The following CDC40 variants were observed in gnomAD, a reference collection of about 807,000 sequenced individuals.
CDC40 encodes pre-mRNA-processing factor 17.
In CDC40, 27 loss-of-function variants were observed where a neutral mutation model predicts 80.6. The observed-to-expected ratio is 0.33, with a 90% CI of 0.25 to 0.46. The LOEUF is 0.46. Ranked by LOEUF, CDC40 falls within the 20% of genes least tolerant of loss-of-function variation. CDC40 has a pLI of 1.00. For missense variants in CDC40, 486 were observed against 694.1 expected (o/e 0.70, Z 3.37); for synonymous variants, 221 against 232.6 (o/e 0.95, Z 0.45).
intron 9 of CDC40, among the ~76,000 whole-genome samples, chr6:110,216,939 T>A (rs1777708713): frequency 6.6e-6 from 1 of 152,110 alleles, no homozygotes; most frequent in Non-Finnish European, 1.5e-5. Context: ...AAACCCTGTC[T>A]CTACAGAAAA....
intron 12 of CDC40, among the ~76,000 whole-genome samples, chr6:110,223,188 G>A (rs138627143): frequency 1.2e-4 from 18 of 152,188 alleles, no homozygotes; most frequent in African/African-American, 3.9e-4. Context: ...GGGCTCAAGC[G>A]ATCGTCCTGC....
At chr6:110,222,783 A>G (rs143659959) in intron 12 of CDC40, among the ~76,000 whole-genome samples, 31 of 152,282 alleles carry the variant, frequency 2.0e-4, no homozygotes, top group African/African-American at 6.0e-4. Flanking sequence ...AGTCATGCTT[A>G]CTGTCTGTTC....
At chr6:110,196,544 G>A (rs79787219) in intron 2 of CDC40, among the ~76,000 whole-genome samples, 4,991 of 152,106 alleles carry the variant, frequency 0.033, 146 homozygotes, top group South Asian at 0.12. Flanking sequence ...AAGAATTCCA[G>A]ACTCTTTAAA....
At chr6:110,221,704 T>C (rs905253681) in intron 12 of CDC40, among the ~76,000 whole-genome samples, 4 of 152,218 alleles carry the variant, frequency 2.6e-5, no homozygotes, top group Non-Finnish European at 4.4e-5. Flanking sequence ...TACCTTCAGA[T>C]ATTTTCAATT....
chr6:110,202,683 TTTTGTTTG>T (rs142809638), intron 3 of CDC40, among the ~76,000 whole-genome samples: 3 of 152,100 alleles, frequency 2.0e-5, no homozygotes, highest in African/African-American at 7.2e-5. Flanking sequence ...GGTTGTGTTT[TTTTGTTTG>T]TTTGTTTGTT....
chr6:110,213,075 C>A lies in CDC40; in HGVS notation c.868-11C>A. The A allele has an allele frequency of 6.3e-7, 1 of 1,575,336 alleles. No individual in the cohort carries two copies. The highest frequency in any genetic ancestry group is 8.7e-7 in the Non-Finnish European group (1 of 1,144,632). On this transcript the variant is annotated splice_polypyrimidine_tract_variant and intron_variant, in intron 7 of 14. Transcript: ENST00000307731. ...ATGCTTCTGGTTGATAACTGTAATA[C>A]CTTTTTATAGGGCGTCAGTGCAGTC...
intron 12 of CDC40, among the ~76,000 whole-genome samples, chr6:110,223,313 G>A (rs1292906602): frequency 6.6e-6 from 1 of 152,100 alleles, no homozygotes; most frequent in Non-Finnish European, 1.5e-5. Flanking sequence ...ACAAACTCCT[G>A]GCCTCACAAA....
chr6:110,193,207 T>C lies in CDC40; in HGVS notation c.215T>C (p.Leu72Pro). The change falls in exon 2 of 15, where the codon CTT (leucine) becomes CCT (proline). Residue 72 changes from leucine to proline, a missense_variant. Around this residue, in one of 3 missense-constraint regions of CDC40, gnomAD observed 381 missense variants for 492.1 expected, o/e 0.77. Transcript: ENST00000307731. ...GAAGATTTGGAGACTGGAGTTCACC[T>C]TGACCCTGCCGTCAAAGAAGTTCAG... The part of the protein sequence containing the change: ...VKEDLETGVH[L>P]DPAVKEVQYN... The C allele has an allele frequency of 1.2e-6, 2 of 1,608,088 alleles. No individual in the cohort carries two copies. The highest frequency in any genetic ancestry group is 1.7e-6 in the Non-Finnish European group (2 of 1,174,554).
chr6:110,208,503 A>G (rs1363629879), intron 4 of CDC40, among the ~76,000 whole-genome samples: 2 of 152,190 alleles, frequency 1.3e-5, no homozygotes, highest in African/African-American at 2.4e-5. Flanking sequence ...GTTAACGTTA[A>G]TGATATTAGA....
intron 12 of CDC40, among the ~76,000 whole-genome samples, 198 bp from the exon 13 acceptor site, chr6:110,225,969 A>G (rs1389089368): frequency 6.6e-6 from 1 of 152,252 alleles, no homozygotes; most frequent in Non-Finnish European, 1.5e-5. Flanking sequence ...AAAGTGATTT[A>G]TGAAGTACAG....
chr6:110,218,654 G>C (rs907406705), intron 10 of CDC40, among the ~76,000 whole-genome samples: 1 of 152,084 alleles, frequency 6.6e-6, no homozygotes, highest in Non-Finnish European at 1.5e-5. Flanking sequence ...TAATATTACT[G>C]ATGCCTGAGT....
At chr6:110,185,241 CTTT>C (rs1227694611) in intron 1 of CDC40, among the ~76,000 whole-genome samples, 1 of 124,020 alleles carries the variant, frequency 8.1e-6, no homozygotes, top group Non-Finnish European at 1.6e-5. Context: ...ATCTTTTTTT[CTTT>C]TTTTTTTTTT....
chr6:110,210,838 A>AGGTTTTTCATAAAAATG, intron 6 of CDC40, 35 bp downstream of exon 6: 1 of 1,170,834 alleles, frequency 8.5e-7, no homozygotes, highest in Non-Finnish European at 1.2e-6. Context: ...ATTTTTATGA[A>AGGTTTTTCATAAAAATG]AAACCTTCAT....
chr6:110,200,359 A>G (rs1444433801), intron 2 of CDC40, among the ~76,000 whole-genome samples: 1 of 152,188 alleles, frequency 6.6e-6, no homozygotes, highest in Non-Finnish European at 1.5e-5. Context: ...GGCTCTGGAA[A>G]TGTATCGTAG....
At chr6:110,189,936 T>G (rs1211487558) in intron 1 of CDC40, among the ~76,000 whole-genome samples, 1 of 152,230 alleles carries the variant, frequency 6.6e-6, no homozygotes, top group Non-Finnish European at 1.5e-5. Context: ...CACAAAGGTT[T>G]TTTGTGACAT....
chr6:110,181,259 G>C (rs893975761), intron 1 of CDC40, among the ~76,000 whole-genome samples: 1 of 152,216 alleles, frequency 6.6e-6, no homozygotes, highest in Non-Finnish European at 1.5e-5. Flanking sequence ...TTGAGAAACA[G>C]CTGCATGATC....
intron 3 of CDC40, among the ~76,000 whole-genome samples, chr6:110,202,246 A>AG: frequency 6.6e-6 from 1 of 152,192 alleles, no homozygotes; most frequent in Non-Finnish European, 1.5e-5. Context: ...ATTAGATCAT[A>AG]CTTCACCATG....
In CDC40 at chr6:110,213,397, T is replaced by G. The variant is rs911671893; in HGVS notation, c.942+237T>G. 4.0e-5 allele frequency among the ~76,000 whole-genome samples: 6 copies of G among 149,136 alleles called. 1 individual carries two copies. Among genetic ancestry groups the G allele is most frequent in the African/African-American group, 9.8e-5 (4 of 40,670 alleles). ...TTGTTTTTGTTTTTTGTTTTTTTGT[T>G]TTTTTTTTTTGAGATGGAGTCTTGC... On this transcript the variant is annotated intron_variant, in intron 8 of 14. Coordinates refer to ENST00000307731, the MANE Select transcript of CDC40 (RefSeq NM_015891.3).
At chr6:110,219,664 C>A in intron 11 of CDC40, 72 bp from the exon 12 acceptor site, 1 of 1,518,896 alleles carries the variant, frequency 6.6e-7, no homozygotes, top group Non-Finnish European at 9.0e-7. Context: ...TCCTTCTCCA[C>A]TTTCCAGAAT....
Sources: gnomAD v4.1 joint callset for allele counts (sites outside exome capture counted in the v4.1 genomes callset) on GRCh38, gnomAD v4.1.1 for gene constraint, gnomAD v4.1.1 regional missense constraint, MANE v1.5 for transcripts, NCBI Gene and HGNC (gene_info 2026-07-23, HGNC 2026-07-21) for gene names.